Variants in RBFOX3 observed in about 807,000 individuals in gnomAD.
RBFOX3 encodes RNA binding protein fox-1 homolog 3.
A neutral mutation model predicts 48.7 loss-of-function variants in RBFOX3; 17 were observed. The observed-to-expected ratio is 0.35, with a 90% CI of 0.24 to 0.52. The LOEUF (loss-of-function observed/expected upper bound fraction) is 0.52. Among genes scored for constraint, RBFOX3 ranks in the 20% least tolerant of loss-of-function variants. RBFOX3 has a pLI of 0.94. For synonymous variants in RBFOX3, 212 were observed against 209.5 expected (o/e 1.01, Z -0.10); for missense variants, 382 against 497.5 (o/e 0.77, Z 2.21).
intron 1 of RBFOX3, among the ~76,000 whole-genome samples, chr17:79,587,491 G>C (rs1001855663): frequency 6.6e-6 from 1 of 152,338 alleles, no homozygotes; most frequent in East Asian, 1.9e-4. Context: ...TATCTGTTGT[G>C]ATGGCCAGGC....
At chr17:79,538,257 A>C (rs1393776877) in intron 1 of RBFOX3, among the ~76,000 whole-genome samples, 2 of 152,238 alleles carry the variant, frequency 1.3e-5, no homozygotes, top group African/African-American at 4.8e-5. Context: ...CATCAGGAGC[A>C]TCTGTGTGTG....
Position 79,111,592 on chromosome 17 carries a change from T to A in RBFOX3, c.222+3902A>T, listed in dbSNP as rs1312864565. On this transcript the variant is annotated intron_variant, in intron 5 of 14. Transcript: ENST00000693108. This position sits in a 1 kb window ranked among gnomAD's most constrained non-coding sequence, Gnocchi z 4.2. ...CTGGGATTACAGGCACGAGCCACCA[T>A]GCCCGATTAATTTTTGTATTTTTGT... 6.6e-6 allele frequency among the ~76,000 whole-genome samples: 1 copy of A among 152,200 alleles called. No homozygotes were observed. The highest frequency in any genetic ancestry group is 1.5e-5 in the Non-Finnish European group (1 of 68,034).
intron 1 of RBFOX3, among the ~76,000 whole-genome samples, chr17:79,526,976 C>T (rs1276403115): frequency 6.6e-6 from 1 of 152,218 alleles, no homozygotes; most frequent in African/African-American, 2.4e-5. Context: ...CTGGAAGACT[C>T]ACAAGTCACC....
intron 4 of RBFOX3, among the ~76,000 whole-genome samples, chr17:79,129,467 G>A (rs1170206683): frequency 4.8e-5 from 5 of 103,746 alleles, no homozygotes; most frequent in East Asian, 2.1e-4. Context: ...GCAGGACAAC[G>A]CTCTCTCCTT....
the RBFOX3 span, among the ~76,000 whole-genome samples, chr17:79,633,294 G>A: frequency 6.6e-6 from 1 of 152,276 alleles, no homozygotes; most frequent in Non-Finnish European, 1.5e-5. Flanking sequence ...GCTTGACTGT[G>A]GGGCCCCAGG....
intron 1 of RBFOX3, chr17:79,598,483 T>C (rs2093626882): frequency 6.6e-6 from 1 of 152,192 alleles, no homozygotes; most frequent in East Asian, 1.9e-4. Flanking sequence ...TGGCTATAAT[T>C]ATTTTAGCGT....
At chr17:79,123,649 T>C (rs370248294) in intron 4 of RBFOX3, among the ~76,000 whole-genome samples, 102 of 152,116 alleles carry the variant, frequency 6.7e-4, no homozygotes, top group African/African-American at 2.4e-3. Flanking sequence ...CAAGCTCTAG[T>C]GTACCCCACA....
chr17:79,558,362 C>G (rs938314779), intron 1 of RBFOX3, among the ~76,000 whole-genome samples: 69 of 152,344 alleles, frequency 4.5e-4, no homozygotes, highest in African/African-American at 1.6e-3. Flanking sequence ...TGAGAGCCAA[C>G]CCAGTGTCTG....
At chr17:79,148,080 A>AC (rs1238421029) in intron 4 of RBFOX3, among the ~76,000 whole-genome samples, 2 of 151,898 alleles carry the variant, frequency 1.3e-5, no homozygotes, top group African/African-American at 2.4e-5. Flanking sequence ...TCACCGTGGG[A>AC]CCCCAGGGTG....
In RBFOX3 at chr17:79,241,301, A is replaced by G. The variant is rs1012230865; in HGVS notation, c.-73-5496T>C. On this transcript the variant is annotated intron_variant, in intron 3 of 14. Coordinates refer to ENST00000693108, the MANE Select transcript of RBFOX3 (RefSeq NM_001350451.2). The stretch of plus-strand genomic sequence containing the variant: ...TGTGCTGGGGCTACAGGTGTGAACC[A>G]TGGCATCCGGCCTGTTTCGCTTTAA... Among the ~76,000 whole-genome samples the G allele has an allele frequency of 3.9e-5, 6 of 152,046 alleles. 1 individual carries two copies. The South Asian group carries it at 8.3e-4, about 21-fold the overall frequency.
chr17:79,593,763 C>T (rs1231841756), intron 1 of RBFOX3, among the ~76,000 whole-genome samples: 1 of 152,224 alleles, frequency 6.6e-6, no homozygotes, highest in Non-Finnish European at 1.5e-5. Context: ...GCACACTGGG[C>T]ACCAGTTCAG....
intron 1 of RBFOX3, among the ~76,000 whole-genome samples, chr17:79,592,097 A>G (rs1014588861): frequency 1.4e-4 from 20 of 146,090 alleles, no homozygotes; most frequent in Admixed American, 4.1e-4. Context: ...ATATGCATGC[A>G]TGTGTGTGTG....
intron 3 of RBFOX3, among the ~76,000 whole-genome samples, chr17:79,297,071 C>G (rs979918961): frequency 6.6e-6 from 1 of 151,430 alleles, no homozygotes; most frequent in Non-Finnish European, 1.5e-5. Flanking sequence ...CAGTGTCTTG[C>G]TCTGTGTGCG....
intron 2 of RBFOX3, among the ~76,000 whole-genome samples, chr17:79,375,766 C>G (rs11077432): frequency 0.22 from 32,906 of 152,152 alleles, 3,621 homozygotes; most frequent in Non-Finnish European, 0.23. Context: ...GGCCGCTGAG[C>G]CCAGAGGCTG....
chr17:79,359,626 G>C (rs1238606700), intron 2 of RBFOX3, among the ~76,000 whole-genome samples: 1 of 152,038 alleles, frequency 6.6e-6, no homozygotes, highest in South Asian at 2.1e-4. Flanking sequence ...TCTCCACCCC[G>C]ACTAAGGCAG....
chr17:79,311,434 CAAAA>C lies in RBFOX3; in HGVS notation c.-174-3614_-174-3611del, dbSNP rs35265527. Reference sequence around the variant, plus strand: ...GGTAAGAAGAGCGAGACTCCATCTCCAAAAAAAAAAAAAAAAAAAACAGACTGCA... The same window carrying C: ...GGTAAGAAGAGCGAGACTCCATCTCCAAAAAAAAAAAAAAAACAGACTGCA... On this transcript the variant is annotated intron_variant, in intron 2 of 14. Coordinates refer to ENST00000693108, the MANE Select transcript of RBFOX3 (RefSeq NM_001350451.2). This position sits in a 1 kb window ranked among gnomAD's most constrained non-coding sequence, Gnocchi z 4.2. Among the ~76,000 whole-genome samples, 9 of 102,568 alleles carry C rather than the reference CAAAA, an allele frequency of 8.8e-5. No homozygotes were observed. Among genetic ancestry groups the C allele is most frequent in the Non-Finnish European group, 1.2e-4 (6 of 48,728 alleles). The allele number at this position is 102,568 out of a possible 152,430, so 67.3% of individuals were successfully genotyped here. A position where few individuals can be genotyped will look rare whatever the true frequency, so the allele number is the denominator to read the frequency against.
chr17:79,223,390 G>A (rs562088409), intron 4 of RBFOX3, among the ~76,000 whole-genome samples: 7 of 152,250 alleles, frequency 4.6e-5, no homozygotes, highest in Admixed American at 6.5e-5. Context: ...AAACAGCTGC[G>A]TATACATGCA....
At chr17:79,179,882 G>A (rs896214280) in intron 4 of RBFOX3, among the ~76,000 whole-genome samples, 1 of 152,176 alleles carries the variant, frequency 6.6e-6, no homozygotes, top group Non-Finnish European at 1.5e-5. Flanking sequence ...TCCTAGGAGG[G>A]GTCAGATGTT....
Position 79,480,653 on chromosome 17 carries a change from C to T in RBFOX3, c.-175+1801G>A, listed in dbSNP as rs1321309857. Among the ~76,000 whole-genome samples, 3 of 152,186 alleles carry T rather than the reference C, an allele frequency of 2.0e-5. No individual in the cohort carries two copies. Among genetic ancestry groups the T allele is most frequent in the African/African-American group, 7.2e-5 (3 of 41,444 alleles). On this transcript the variant is annotated intron_variant, in intron 2 of 14. Transcript: ENST00000693108. This position sits in a 1 kb window ranked among gnomAD's most constrained non-coding sequence, Gnocchi z 4.8. ...CCAGCATGCCCACACGTTGCTGCCT[C>T]GGCGCCTTGGCACTGGCCATTCCCT...
Sources: allele counts gnomAD v4.1 joint callset (sites outside exome capture counted in the v4.1 genomes callset), GRCh38; gene constraint gnomAD v4.1.1; non-coding constraint Gnocchi (gnomAD v3.1); transcripts MANE v1.5; gene names NCBI Gene and HGNC (gene_info 2026-07-23, HGNC 2026-07-21).